RBFOX1: variants seen among roughly 807,000 people sequenced by gnomAD.
RBFOX1 encodes the protein RNA binding protein fox-1 homolog 1.
In RBFOX1, 8 loss-of-function variants were observed where a neutral mutation model predicts 57.7. The ratio of observed to expected loss-of-function variants is 0.14; its 90% confidence interval spans 0.08 to 0.25. The LOEUF is 0.25. Ranked by LOEUF, RBFOX1 falls within the 10% of genes least tolerant of loss-of-function variation. The pLI, the probability that RBFOX1 is intolerant of heterozygous loss-of-function variation, is 1.00. For missense variants in RBFOX1, 611 were observed against 548.5 expected, an observed-to-expected ratio of 1.11 and a Z score of -1.14; for synonymous variants, 326 against 222.4, an observed-to-expected ratio of 1.47 and a Z score of -4.15.
chr16:6,672,939 T>A (rs1370468107), intron 3 of RBFOX1, among the ~76,000 whole-genome samples: 1 of 152,042 alleles, frequency 6.6e-6, no homozygotes, highest in Non-Finnish European at 1.5e-5. Context: ...GCGTGTGGGA[T>A]GTTGATCAAC....
chr16:7,257,337 C>A (rs1426261871), intron 4 of RBFOX1, among the ~76,000 whole-genome samples: 1 of 152,144 alleles, frequency 6.6e-6, no homozygotes, highest in Admixed American at 6.5e-5. Context: ...CAAAGGTCAC[C>A]ACCTGGGGTA....
chr16:7,128,461 A>G (rs2069214205), intron 4 of RBFOX1, among the ~76,000 whole-genome samples: 1 of 152,218 alleles, frequency 6.6e-6, no homozygotes, highest in African/African-American at 2.4e-5. Context: ...CCAGGGTGAC[A>G]TCAGCGGGGA....
intron 1 of RBFOX1, among the ~76,000 whole-genome samples, chr16:5,442,670 T>C (rs2068119635): frequency 6.6e-6 from 1 of 152,124 alleles, no homozygotes; most frequent in African/African-American, 2.4e-5. Flanking sequence ...TATTTCTAGA[T>C]CCCTTTACTG....
chr16:6,739,470 A>T (rs957298952), intron 3 of RBFOX1, among the ~76,000 whole-genome samples: 4 of 149,792 alleles, frequency 2.7e-5, no homozygotes, highest in African/African-American at 9.8e-5. Flanking sequence ...TTCATAATTT[A>T]ACATCCCCCC....
chr16:5,497,325 G>A (rs969927385), intron 2 of RBFOX1, among the ~76,000 whole-genome samples: 2 of 151,822 alleles, frequency 1.3e-5, no homozygotes, highest in Admixed American at 1.3e-4. Context: ...GAAGTTCTCG[G>A]TGAATCGCTC....
At chr16:5,972,367 A>T (rs1175144252) in intron 4 of RBFOX1, among the ~76,000 whole-genome samples, 1 of 152,236 alleles carries the variant, frequency 6.6e-6, no homozygotes, top group African/African-American at 2.4e-5. Context: ...GTCACTGACC[A>T]TCAATAGTGC....
chr16:7,273,696 T>C (rs1308754421), intron 4 of RBFOX1, among the ~76,000 whole-genome samples: 1 of 152,240 alleles, frequency 6.6e-6, no homozygotes. Flanking sequence ...TGGACCTTAT[T>C]TTTAAATACA....
At chr16:7,348,533 G>A (rs186487118) in intron 4 of RBFOX1, among the ~76,000 whole-genome samples, 3 of 152,244 alleles carry the variant, frequency 2.0e-5, no homozygotes, top group Admixed American at 6.5e-5. Flanking sequence ...TGGCAAGGTC[G>A]TATATGATAT....
chr16:5,390,206 A>G (rs1039243861), intron 1 of RBFOX1, among the ~76,000 whole-genome samples: 4 of 151,972 alleles, frequency 2.6e-5, no homozygotes, highest in Non-Finnish European at 4.4e-5. Flanking sequence ...TGCACTACAT[A>G]TAGTGTTTAT....
chr16:7,225,905 A>AATATATATATATAT lies in RBFOX1; in HGVS notation c.27+173809_27+173822dup, dbSNP rs1555600461. On this transcript the variant is annotated intron_variant, in intron 4 of 15. Transcript: ENST00000550418. ...GTACCCTAGAACTTAAAGTATAATA[A>AATATATATATATAT]ATATATATATATATAAATGTGAATG... Among the ~76,000 whole-genome samples, 14 of 93,740 alleles carry AATATATATATATAT rather than the reference A, an allele frequency of 1.5e-4. No individual in the cohort carries two copies. The South Asian group carries it at 1.9e-3, about 13-fold the overall frequency. 61.5% of individuals were successfully genotyped at this position (93,740 alleles called of 152,430 possible). A position where few individuals can be genotyped will look rare whatever the true frequency, so the allele number is the denominator to read the frequency against.
intron 3 of RBFOX1, among the ~76,000 whole-genome samples, chr16:7,022,012 T>C (rs1366459794): frequency 3.8e-4 from 3 of 7,806 alleles, no homozygotes; most frequent in Non-Finnish European, 5.5e-4. Flanking sequence ...CTCCCTCCCC[T>C]TCCCTTCCCC....
At chr16:7,355,659 G>A (rs1419633654) in intron 4 of RBFOX1, among the ~76,000 whole-genome samples, 6 of 152,022 alleles carry the variant, frequency 3.9e-5, no homozygotes, top group East Asian at 3.9e-4. Flanking sequence ...ATATTGTGAC[G>A]GCACACAATT....
chr16:6,756,808 C>G (rs1209997883), intron 3 of RBFOX1, among the ~76,000 whole-genome samples: 1 of 151,984 alleles, frequency 6.6e-6, no homozygotes, highest in Non-Finnish European at 1.5e-5. Context: ...TCCATCTCTA[C>G]TAAAAATACA....
chr16:7,685,761 CACTA>C (rs763114300), intron 14 of RBFOX1, among the ~76,000 whole-genome samples: 66 of 152,078 alleles, frequency 4.3e-4, no homozygotes, highest in Non-Finnish European at 8.8e-4. Context: ...CACACTGTAA[CACTA>C]ACCCTCTGGG....
At chr16:7,130,814 G>A (rs1027533503) in intron 4 of RBFOX1, among the ~76,000 whole-genome samples, 1 of 152,090 alleles carries the variant, frequency 6.6e-6, no homozygotes, top group Non-Finnish European at 1.5e-5. Context: ...ACTGAGTGGG[G>A]AACAAGAACA....
chr16:6,096,963 G>A (rs2096252303), intron 1 of RBFOX1, among the ~76,000 whole-genome samples: 1 of 152,132 alleles, frequency 6.6e-6, no homozygotes, highest in Non-Finnish European at 1.5e-5. Flanking sequence ...TGGTTTGGCT[G>A]TGTCCCACCC....
chr16:7,530,044 C>T (rs1288235759), intron 5 of RBFOX1, among the ~76,000 whole-genome samples: 7 of 148,652 alleles, frequency 4.7e-5, no homozygotes, highest in Non-Finnish European at 8.9e-5. Context: ...GGAACCTGAA[C>T]CCTTTAAGGG....
chr16:7,032,579 TTC>T (rs1319825427), intron 3 of RBFOX1, among the ~76,000 whole-genome samples: 1 of 92,758 alleles, frequency 1.1e-5, no homozygotes, highest in Non-Finnish European at 2.5e-5. Flanking sequence ...CTACAGCTAT[TTC>T]TGTTTGTTTG....
intron 3 of RBFOX1, among the ~76,000 whole-genome samples, chr16:7,017,176 A>T (rs1311251828): frequency 2.0e-5 from 3 of 152,176 alleles, no homozygotes; most frequent in African/African-American, 7.2e-5. Context: ...GCGGCCAGCA[A>T]ATCGTATCTG....
Sources: allele counts gnomAD v4.1 joint callset (sites outside exome capture counted in the v4.1 genomes callset), GRCh38; gene constraint gnomAD v4.1.1; transcripts MANE v1.5; gene names NCBI Gene and HGNC (gene_info 2026-07-23, HGNC 2026-07-21).